UGT1A8: variants seen among roughly 807,000 people sequenced by gnomAD.
The protein encoded by UGT1A8 is UDP glucuronosyltransferase family 1 member A8, also known as UDP-glucuronosyltransferase 1A8.
UGT1A8 carries 39 observed loss-of-function variants against 45.3 expected under a neutral mutation model. That is an observed-to-expected ratio of 0.86 (90% confidence interval 0.67 to 1.12). UGT1A8 has a LOEUF of 1.12. Ranked by LOEUF, UGT1A8 falls within the 50% of genes most tolerant of loss-of-function variation. UGT1A8 has a pLI of 0.00. For synonymous variants in UGT1A8, 275 were observed against 249.2 expected (o/e 1.10, Z -0.97); for missense variants, 719 against 664.9 (o/e 1.08, Z -0.90).
At chr2:233,637,150 C>G in intron 1 of UGT1A8, 1 of 1,613,928 alleles carries the variant, frequency 6.2e-7, no homozygotes, top group African/African-American at 1.3e-5. Context: ...AGTATGGAAC[C>G]ACATCGTGCA....
At chr2:233,667,185 A>G (rs2074097771) in intron 1 of UGT1A8, among the ~76,000 whole-genome samples, 1 of 152,172 alleles carries the variant, frequency 6.6e-6, no homozygotes, top group Non-Finnish European at 1.5e-5. Flanking sequence ...TGGCTGGGTC[A>G]AATAGTATTT....
At chr2:233,731,367 T>C (rs1429864647) in intron 1 of UGT1A8, among the ~76,000 whole-genome samples, 3 of 152,084 alleles carry the variant, frequency 2.0e-5, no homozygotes, top group East Asian at 1.9e-4. Flanking sequence ...ACATGTGCCA[T>C]GTTGGTTTCC....
rs1049544264 is a variant in UGT1A8 at position 233,721,928 on chromosome 2, T to C, written c.856-45106T>C. 6 of 384,478 alleles carry C rather than the reference T, an allele frequency of 1.6e-5. No homozygotes were observed. The East Asian group carries it at 4.4e-4, about 28-fold the overall frequency. The allele number at this position is 384,478 out of a possible 1,614,324, so 23.8% of individuals were successfully genotyped here. A position where few individuals can be genotyped will look rare whatever the true frequency, so the allele number is the denominator to read the frequency against. ...TGCACACTGCTTCCATAAAGTGACATCCTTCAGACACTTGGTGGCTCTTTG... is the reference window on the plus strand; with the variant it reads ...TGCACACTGCTTCCATAAAGTGACACCCTTCAGACACTTGGTGGCTCTTTG... On this transcript the variant is annotated intron_variant, in intron 1 of 4. Transcript: ENST00000373450.
intron 1 of UGT1A8, chr2:233,672,769 C>T (rs144459337): frequency 1.9e-6 from 3 of 1,613,536 alleles, no homozygotes; most frequent in African/African-American, 1.3e-5. Context: ...CAACTGCCAT[C>T]AGGGAAAGCC....
chr2:233,629,648 G>A (rs553580247), intron 1 of UGT1A8, among the ~76,000 whole-genome samples: 2 of 152,134 alleles, frequency 1.3e-5, no homozygotes, highest in South Asian at 2.1e-4. Flanking sequence ...AAATGAATTA[G>A]GAAATCCCCT....
chr2:233,721,923 T>C (rs1336715590), intron 1 of UGT1A8: 2 of 399,724 alleles, frequency 5.0e-6, no homozygotes, highest in Non-Finnish European at 5.0e-6. Flanking sequence ...TTCCATAAAG[T>C]GACATCCTTC....
rs988278598 is a variant in UGT1A8, at chr2:233,758,928, G to A, written c.856-8106G>A. Among the ~76,000 whole-genome samples the A allele has an allele frequency of 5.9e-5, 9 of 152,130 alleles. 1 individual carries two copies. The highest frequency in any genetic ancestry group is 3.3e-4 in the Admixed American group (5 of 15,276). On this transcript the variant is annotated intron_variant, in intron 1 of 4. Coordinates refer to ENST00000373450, the MANE Select transcript of UGT1A8 (RefSeq NM_019076.5). Reference sequence around the variant, plus strand: ...TTGTTTTTGCTCATCTTTCCCTTTTGACTTCAAATCAGTCATCAGAATTTC... The same window carrying A: ...TTGTTTTTGCTCATCTTTCCCTTTTAACTTCAAATCAGTCATCAGAATTTC...
At chr2:233,642,932 C>T (rs1419492445) in intron 1 of UGT1A8, among the ~76,000 whole-genome samples, 1 of 152,204 alleles carries the variant, frequency 6.6e-6, no homozygotes, top group Admixed American at 6.5e-5. Context: ...TGAGCCACCT[C>T]AAGCTGGGGG....
At chr2:233,671,009 C>T (rs1461140181) in intron 1 of UGT1A8, among the ~76,000 whole-genome samples, 1 of 152,126 alleles carries the variant, frequency 6.6e-6, no homozygotes, top group African/African-American at 2.4e-5. Flanking sequence ...TATTTGTAAA[C>T]CCAAACATAC....
intron 1 of UGT1A8, among the ~76,000 whole-genome samples, chr2:233,628,670 C>T (rs1297535234): frequency 2.0e-5 from 3 of 152,042 alleles, no homozygotes; most frequent in Admixed American, 1.3e-4. Flanking sequence ...GGGGAGGGCC[C>T]CTGTCCTCGG....
At chr2:233,690,889 G>A in intron 1 of UGT1A8, 1 of 1,060,584 alleles carries the variant, frequency 9.4e-7, no homozygotes, top group Non-Finnish European at 1.1e-6. Context: ...GAATTCAAGG[G>A]ATGGTATGCA....
intron 1 of UGT1A8, chr2:233,719,836 T>G: frequency 6.5e-7 from 1 of 1,539,550 alleles, no homozygotes; most frequent in Non-Finnish European, 8.7e-7. Context: ...AGGGGCCTAG[T>G]GTATTTCAAG....
At chr2:233,757,535 A>AATATATATACATATATATACATATAT (rs376887521) in intron 1 of UGT1A8, among the ~76,000 whole-genome samples, 1 of 88,312 alleles carries the variant, frequency 1.1e-5, no homozygotes, top group Non-Finnish European at 2.2e-5. Context: ...GCCTGTAAGG[A>AATATATATACATATATATACATATAT]ATATATATAT....
At chr2:233,681,972 T>A (rs749327361) in intron 1 of UGT1A8, 1 of 1,614,142 alleles carries the variant, frequency 6.2e-7, no homozygotes, top group Non-Finnish European at 8.5e-7. Flanking sequence ...CTCCTTCCCC[T>A]ATATGTGTGT....
intron 1 of UGT1A8, among the ~76,000 whole-genome samples, chr2:233,663,461 G>T (rs2074014060): frequency 6.6e-6 from 1 of 152,120 alleles, no homozygotes; most frequent in African/African-American, 2.4e-5. Context: ...AAGAGCAGAT[G>T]AGCCAGTTTA....
At chr2:233,768,587 T>C (rs977103062) in intron 4 of UGT1A8, 148 bp downstream of exon 4, 429 of 888,300 alleles carry the variant, frequency 4.8e-4, no homozygotes, top group East Asian at 4.8e-3. Context: ...TTCTTCTTTT[T>C]TTTTTTTTTT....
chr2:233,748,886 T>C (rs559177980), intron 1 of UGT1A8, among the ~76,000 whole-genome samples: 20 of 151,542 alleles, frequency 1.3e-4, no homozygotes, highest in Non-Finnish European at 2.8e-4. Flanking sequence ...TGAATGGACA[T>C]GTGTCCAAGA....
At chr2:233,625,787 TA>T (rs1210350549) in intron 1 of UGT1A8, among the ~76,000 whole-genome samples, 1 of 151,552 alleles carries the variant, frequency 6.6e-6, no homozygotes, top group Non-Finnish European at 1.5e-5. Context: ...TATGGACTAC[TA>T]AAGGGGAGAG....
At position 233,625,527 on chromosome 2, in the gene UGT1A8, G is replaced by A. The variant is rs190658388; in HGVS notation, c.855+6965G>A. ...TGCAGCTCTATTCAGAATAGAAAAG[G>A]CATGAAATCAACCTAGGTGCCTGTC... On this transcript the variant is annotated intron_variant, in intron 1 of 4. Coordinates refer to ENST00000373450, the MANE Select transcript of UGT1A8 (RefSeq NM_019076.5). Among the ~76,000 whole-genome samples, 22 of 152,080 alleles carry A rather than the reference G, an allele frequency of 1.4e-4. 1 individual carries two copies. The East Asian group carries it at 2.1e-3, about 15-fold the overall frequency.
Sources: allele counts gnomAD v4.1 joint callset (sites outside exome capture counted in the v4.1 genomes callset), GRCh38; gene constraint gnomAD v4.1.1; transcripts MANE v1.5; gene names NCBI Gene and HGNC (gene_info 2026-07-23, HGNC 2026-07-21).